Variants in LRMDA observed in about 807,000 individuals in gnomAD.
The protein encoded by LRMDA is leucine-rich melanocyte differentiation-associated protein.
A neutral mutation model predicts 29.8 loss-of-function variants in LRMDA; 18 were observed. The observed-to-expected ratio is 0.60, with a 90% CI of 0.42 to 0.90. LRMDA has a LOEUF of 0.90. LRMDA is among the 40% of genes least tolerant of loss of function. LRMDA has a pLI of 0.00. For missense variants in LRMDA, 273 were observed against 273.9 expected (o/e 1.00, Z 0.02); for synonymous variants, 125 against 109.4 (o/e 1.14, Z -0.89).
chr10:76,116,850 G>C (rs1042839238), intron 5 of LRMDA, among the ~76,000 whole-genome samples: 5 of 152,124 alleles, frequency 3.3e-5, no homozygotes, highest in African/African-American at 4.8e-5. Context: ...CTATGTGTCT[G>C]TTACATACAT....
chr10:75,500,939 A>G (rs998401043), intron 2 of LRMDA, among the ~76,000 whole-genome samples: 1 of 152,068 alleles, frequency 6.6e-6, no homozygotes, highest in Non-Finnish European at 1.5e-5. Flanking sequence ...GGCTTCCCCA[A>G]CTCCAGAATG....
intron 2 of LRMDA, among the ~76,000 whole-genome samples, chr10:75,633,621 G>T (rs538096085): frequency 1.3e-5 from 2 of 152,290 alleles, no homozygotes; most frequent in Non-Finnish European, 2.9e-5. Context: ...CAGAAAATTT[G>T]TCATTCTAAT....
At chr10:76,537,385 G>A (rs939038724) in intron 6 of LRMDA, among the ~76,000 whole-genome samples, 2 of 152,202 alleles carry the variant, frequency 1.3e-5, no homozygotes, top group African/African-American at 4.8e-5. Context: ...CAAATTTGCA[G>A]AGCTATTGTC....
intron 4 of LRMDA, among the ~76,000 whole-genome samples, chr10:76,051,519 CTGTT>C (rs780362180): frequency 2.6e-5 from 4 of 152,352 alleles, no homozygotes; most frequent in Admixed American, 1.3e-4. Flanking sequence ...TCCACTCACA[CTGTT>C]TGTTCATTAC....
At chr10:75,662,386 G>A (rs1179623175) in intron 2 of LRMDA, among the ~76,000 whole-genome samples, 4 of 152,266 alleles carry the variant, frequency 2.6e-5, no homozygotes, top group Non-Finnish European at 4.4e-5. Context: ...TTCGGAAAGC[G>A]ACACGGAAAC....
intron 2 of LRMDA, among the ~76,000 whole-genome samples, chr10:75,688,744 A>G (rs1589158352): frequency 6.6e-6 from 1 of 152,262 alleles, no homozygotes; most frequent in Non-Finnish European, 1.5e-5. Flanking sequence ...TGATATGGCA[A>G]TCTTCACTGT....
At chr10:76,445,064 C>T (rs1001847616) in intron 6 of LRMDA, among the ~76,000 whole-genome samples, 1 of 152,078 alleles carries the variant, frequency 6.6e-6, no homozygotes, top group Non-Finnish European at 1.5e-5. Flanking sequence ...GTGGGGAATA[C>T]TTGGTAGATT....
intron 2 of LRMDA, among the ~76,000 whole-genome samples, chr10:75,677,500 A>T (rs938948326): frequency 3.3e-5 from 5 of 152,210 alleles, no homozygotes; most frequent in Non-Finnish European, 5.9e-5. Context: ...CAGTTCACTG[A>T]GTCTACAATG....
chr10:76,342,203 C>A (rs1841050302), intron 6 of LRMDA, among the ~76,000 whole-genome samples: 1 of 151,998 alleles, frequency 6.6e-6, no homozygotes, highest in Admixed American at 6.6e-5. Context: ...AAGCCCTCTA[C>A]CCAGAAATTT....
At chr10:75,902,866 G>A (rs1845698901) in intron 2 of LRMDA, among the ~76,000 whole-genome samples, 1 of 152,158 alleles carries the variant, frequency 6.6e-6, no homozygotes, top group African/African-American at 2.4e-5. Flanking sequence ...AACCCCCCGT[G>A]CTGCTCCTTT....
intron 1 of LRMDA, among the ~76,000 whole-genome samples, chr10:75,437,861 T>C (rs1415512007): frequency 6.6e-6 from 1 of 152,158 alleles, no homozygotes; most frequent in Non-Finnish European, 1.5e-5. Context: ...GGGCATTTTG[T>C]ACACAGTGGC....
rs934890490 is a variant in LRMDA, at chr10:76,386,735, A to C, written c.601+62250A>C. On this transcript the variant is annotated intron_variant, in intron 6 of 6. Transcript: ENST00000611255. Reference sequence around the variant, plus strand: ...TATTGACAGATTTTATAACATAAAAATGTGTATTTTTATATATCTGTAGCA... The same window carrying C: ...TATTGACAGATTTTATAACATAAAACTGTGTATTTTTATATATCTGTAGCA... Among the ~76,000 whole-genome samples the C allele has an allele frequency of 2.6e-5, 4 of 152,192 alleles. No individual in the cohort carries two copies. In the South Asian group the frequency reaches 8.3e-4, roughly 31 times the overall value.
At chr10:75,577,266 A>G (rs9416073) in intron 2 of LRMDA, among the ~76,000 whole-genome samples, 91,907 of 151,992 alleles carry the variant, frequency 0.6, 31,140 homozygotes, top group East Asian at 0.85. Flanking sequence ...TAGCCGAATC[A>G]ATCAAGTGGA....
At chr10:76,436,100 G>A (rs1042242785) in intron 6 of LRMDA, among the ~76,000 whole-genome samples, 1 of 152,208 alleles carries the variant, frequency 6.6e-6, no homozygotes. Flanking sequence ...GGAGCCAGAG[G>A]TGGGTTGAGA....
intron 6 of LRMDA, among the ~76,000 whole-genome samples, chr10:76,384,077 TCTGTC>T (rs1285987050): frequency 5.9e-5 from 9 of 152,164 alleles, no homozygotes; most frequent in Non-Finnish European, 1.2e-4. Context: ...TGGTCCTTAA[TCTGTC>T]CTGTTCACTG....
At chr10:76,506,200 C>T (rs1489168670) in intron 6 of LRMDA, among the ~76,000 whole-genome samples, 2 of 152,198 alleles carry the variant, frequency 1.3e-5, no homozygotes, top group Admixed American at 1.3e-4. Flanking sequence ...GCAGTGCTTC[C>T]TGACTGTGTC....
intron 2 of LRMDA, among the ~76,000 whole-genome samples, chr10:75,699,607 G>C (rs921268809): frequency 1.3e-5 from 2 of 152,148 alleles, no homozygotes; most frequent in Admixed American, 1.3e-4. Context: ...ACAATAATCT[G>C]AGTGTGACTG....
chr10:75,667,502 G>A (rs577298092), intron 2 of LRMDA, among the ~76,000 whole-genome samples: 2 of 152,106 alleles, frequency 1.3e-5, no homozygotes, highest in Non-Finnish European at 2.9e-5. Context: ...GTTTTGCTAT[G>A]TTGCCCAGGT....
At chr10:75,859,619 AC>A (rs59724321) in intron 2 of LRMDA, among the ~76,000 whole-genome samples, 2 of 49,834 alleles carry the variant, frequency 4.0e-5, no homozygotes, top group South Asian at 1.1e-3. Context: ...ACACACACAC[AC>A]ACACACACAC....
Sources: gnomAD v4.1 joint callset for allele counts (sites outside exome capture counted in the v4.1 genomes callset) on GRCh38, gnomAD v4.1.1 for gene constraint, MANE v1.5 for transcripts, NCBI Gene and HGNC (gene_info 2026-07-23, HGNC 2026-07-21) for gene names.